NOP9: variants seen among roughly 807,000 people sequenced by gnomAD.
The protein encoded by NOP9 is nucleolar protein 9.
NOP9 carries 50 observed loss-of-function variants against 63.0 expected under a neutral mutation model. That is an observed-to-expected ratio of 0.79 (90% CI 0.63 to 1.00). NOP9 has a LOEUF of 1.00. Ranked by LOEUF, NOP9 falls within the 50% of genes least tolerant of loss-of-function variation. NOP9 has a pLI of 0.00. For synonymous variants in NOP9, 343 were observed against 332.8 expected, an observed-to-expected ratio of 1.03 and a Z score of -0.33; for missense variants, 758 against 803.0, an observed-to-expected ratio of 0.94 and a Z score of 0.68.
Position 24,307,381 on chromosome 14 carries a change from A to C in NOP9, c.*2286A>C. On this transcript the variant is annotated 3_prime_UTR_variant, in exon 10 of 10. Coordinates refer to ENST00000267425, the MANE Select transcript of NOP9 (RefSeq NM_174913.3). ...ACTTGGCCTACTTACTTTGGCTAGC[A>C]GCTCCTGGCGGGTGGCAGCTGTCAG... The C allele has an allele frequency of 1.9e-6, 3 of 1,613,510 alleles. No individual in the cohort carries two copies. The South Asian group carries it at 3.3e-5, about 18-fold the overall frequency.
In NOP9 at chr14:24,308,251, TTA is replaced by T. The variant is rs1202976102; in HGVS notation, c.*3158_*3159del. The stretch of plus-strand genomic sequence containing the variant: ...CTCTCAGGCTCTGAGAAGCTGCAGT[TTA>T]TGAGTGGCTCTGTGTGTGCTGCCAC... On this transcript the variant is annotated 3_prime_UTR_variant, in exon 10 of 10. Coordinates refer to ENST00000267425, the MANE Select transcript of NOP9 (RefSeq NM_174913.3). 6 of 282,140 alleles carry T rather than the reference TTA, an allele frequency of 2.1e-5. No homozygotes were observed. Among genetic ancestry groups the T allele is most frequent in the Admixed American group, 1.5e-4 (3 of 19,934 alleles). The allele number at this position is 282,140 out of a possible 1,614,324, so 17.5% of individuals were successfully genotyped here. A position where few individuals can be genotyped will look rare whatever the true frequency, so the allele number is the denominator to read the frequency against.
the NOP9 span, among the ~76,000 whole-genome samples, chr14:24,276,246 A>G: frequency 1.5e-3 from 221 of 151,702 alleles, no homozygotes; most frequent in Non-Finnish European, 2.5e-3. Flanking sequence ...GCGTGGTGGT[A>G]CGTGCCTGTA....
chr14:24,292,379 T>G, the NOP9 span: 2 of 1,608,906 alleles, frequency 1.2e-6, no homozygotes, highest in South Asian at 2.2e-5. Flanking sequence ...CATGTCACTT[T>G]CCTGCCCTGC....
the NOP9 span, among the ~76,000 whole-genome samples, chr14:24,287,274 G>A: frequency 9.6e-3 from 1,462 of 152,288 alleles, 28 homozygotes; most frequent in African/African-American, 0.033. Flanking sequence ...GCCCTGGGTG[G>A]CAGTGTACCC....
the NOP9 span, among the ~76,000 whole-genome samples, chr14:24,282,076 T>C: frequency 1.3e-5 from 2 of 152,160 alleles, no homozygotes; most frequent in African/African-American, 2.4e-5. Flanking sequence ...AATTCCATGC[T>C]ACTGGGGAGG....
At chr14:24,299,054 C>T, upstream of NOP9, 1 of 1,614,094 alleles carries the variant, frequency 6.2e-7, no homozygotes, top group Non-Finnish European at 8.5e-7. Context: ...ACGGCCAATA[C>T]CCCTGGAGGC....
At chr14:24,296,746 C>T, upstream of NOP9, 1 of 1,614,164 alleles carries the variant, frequency 6.2e-7, no homozygotes, top group South Asian at 1.1e-5. Context: ...ACCTGGACCC[C>T]TGCATAAGCA....
chr14:24,292,727 C>T, the NOP9 span: 1 of 1,614,192 alleles, frequency 6.2e-7, no homozygotes, highest in Non-Finnish European at 8.5e-7. Flanking sequence ...CCACGATGAG[C>T]CCCTGGCCAG....
upstream of NOP9, among the ~76,000 whole-genome samples, chr14:24,297,405 A>G (rs2041269089): frequency 6.6e-6 from 1 of 152,196 alleles, no homozygotes; most frequent in Non-Finnish European, 1.5e-5. Flanking sequence ...CTCACTCTCT[A>G]CAAATGCCCA....
chr14:24,292,771 A>G, the NOP9 span: 1 of 1,612,794 alleles, frequency 6.2e-7, no homozygotes, highest in African/African-American at 1.3e-5. Flanking sequence ...TACACTGAGC[A>G]AAAGTAGTGG....
chr14:24,299,743 G>C (rs45579332), upstream of NOP9: 20 of 475,544 alleles, frequency 4.2e-5, no homozygotes, highest in Non-Finnish European at 3.2e-5. Flanking sequence ...AGAGTCCCAG[G>C]CCAAAGTTAG....
Position 24,306,615 on chromosome 14 carries a change from T to G in NOP9, c.*1520T>G. 1 of 1,539,984 alleles carries G rather than the reference T, an allele frequency of 6.5e-7. No homozygotes were observed. The highest frequency in any genetic ancestry group is 8.9e-7 in the Non-Finnish European group (1 of 1,119,956). On this transcript the variant is annotated 3_prime_UTR_variant, in exon 10 of 10. Coordinates refer to ENST00000267425, the MANE Select transcript of NOP9 (RefSeq NM_174913.3). Reference sequence around the variant, plus strand: ...ACATCCATCAGTTGGCTCTAGACATTGGTCGATGTCCCACTTTGACTTTCC... The same window carrying G: ...ACATCCATCAGTTGGCTCTAGACATGGGTCGATGTCCCACTTTGACTTTCC...
rs143592319 is a variant in NOP9 at position 24,302,086 on chromosome 14, C to T, written c.930C>T (p.Arg310=). Reference sequence around the variant, plus strand: ...CTGTGATTGGCTACCTGAGTACTCGCGGTTCCTCAGTAGATGGCAGGTATG... The same window carrying T: ...CTGTGATTGGCTACCTGAGTACTCGTGGTTCCTCAGTAGATGGCAGGTATG... ...CNAVIGYLST[R]GSSVDGSPLL... The change falls in exon 4 of 10, where the codon CGC becomes CGT. Residue 310 remains arginine, a synonymous_variant. Coordinates refer to ENST00000267425, the MANE Select transcript of NOP9 (RefSeq NM_174913.3). 6.4e-5 allele frequency: 103 copies of T among 1,613,738 alleles called. No homozygotes were observed. In the Middle Eastern group the frequency reaches 9.9e-4, roughly 16 times the overall value.
chr14:24,279,188 C>T, the NOP9 span, among the ~76,000 whole-genome samples: 1 of 152,228 alleles, frequency 6.6e-6, no homozygotes, highest in Non-Finnish European at 1.5e-5. Context: ...ACCAGAGTCT[C>T]TCCACTCTGA....
chr14:24,299,194 G>C (rs147277524), upstream of NOP9: 2 of 1,435,140 alleles, frequency 1.4e-6, no homozygotes, highest in East Asian at 4.9e-5. Flanking sequence ...GGGCGAGGTT[G>C]GGGGGTAGGG....
chr14:24,283,777 T>C, the NOP9 span, among the ~76,000 whole-genome samples: 1 of 152,244 alleles, frequency 6.6e-6, no homozygotes, highest in East Asian at 1.9e-4. Flanking sequence ...CTCTTTCCCC[T>C]ACTGTCAGTA....
Position 24,301,944 on chromosome 14 carries a change from AT to A in NOP9, c.809-18del, listed in dbSNP as rs2041384877. 1.3e-6 allele frequency: 2 copies of A among 1,596,542 alleles called. No homozygotes were observed. Among genetic ancestry groups the A allele is most frequent in the African/African-American group, 2.7e-5 (2 of 73,984 alleles). On this transcript the variant is annotated intron_variant, in intron 3 of 9. Transcript: ENST00000267425. ...GTCTGGATTTTGGGAAAGCCGCTTT[AT>A]TTCTGCCCTCTCTCCACAGTGTTTA... is the stretch of plus-strand genomic sequence containing the variant.
At position 24,300,041 on chromosome 14, in the gene NOP9, G is replaced by A; in HGVS notation, c.87G>A (p.Gly29=). 1 of 1,609,416 alleles carries A rather than the reference G, an allele frequency of 6.2e-7. No homozygotes were observed. The highest frequency in any genetic ancestry group is 8.5e-7 in the Non-Finnish European group (1 of 1,178,366). ...GKRGRGAKGS[G]RPLPGRKRQP... ...GGGGGCGCGGGGCCAAGGGGTCGGGGCGCCCCTTACCAGGCCGTAAGCGGC... is the reference window on the plus strand; with the variant it reads ...GGGGGCGCGGGGCCAAGGGGTCGGGACGCCCCTTACCAGGCCGTAAGCGGC... Residue 29 remains glycine, a synonymous_variant, in exon 1 of 10, where the codon GGG becomes GGA. Transcript: ENST00000267425.
At chr14:24,274,411 T>C in the NOP9 span, among the ~76,000 whole-genome samples, 1 of 152,106 alleles carries the variant, frequency 6.6e-6, no homozygotes, top group Non-Finnish European at 1.5e-5. Flanking sequence ...GTATGTAATA[T>C]GACGTGAAGG....
Sources: allele counts gnomAD v4.1 joint callset (sites outside exome capture counted in the v4.1 genomes callset), GRCh38; gene constraint gnomAD v4.1.1; transcripts MANE v1.5; gene names NCBI Gene and HGNC (gene_info 2026-07-23, HGNC 2026-07-21).